Variants in TMOD2 observed in about 807,000 individuals in gnomAD.
TMOD2 encodes the protein tropomodulin 2.
A neutral mutation model predicts 39.9 loss-of-function variants in TMOD2; 22 were observed. The observed-to-expected ratio is 0.55, with a 90% CI of 0.39 to 0.79. The LOEUF (loss-of-function observed/expected upper bound fraction) is 0.79, where lower values mean the gene tolerates loss of function less well. Ranked by LOEUF, TMOD2 falls within the 30% of genes least tolerant of loss-of-function variation. TMOD2 has a pLI of 0.00. For synonymous variants in TMOD2, 123 were observed against 146.1 expected, an observed-to-expected ratio of 0.84 and a Z score of 1.14; for missense variants, 386 against 413.3, an observed-to-expected ratio of 0.93 and a Z score of 0.57.
intron 7 of TMOD2, among the ~76,000 whole-genome samples, chr15:51,785,466 T>C (rs1441977937): frequency 1.4e-5 from 2 of 147,906 alleles, no homozygotes; most frequent in East Asian, 3.9e-4. Context: ...GGTATATATA[T>C]GCACACTGAA....
At position 51,794,363 on chromosome 15, in the gene TMOD2, A is replaced by T. The variant is rs548086342; in HGVS notation, c.733-3834A>T. ...AAATAGTTCAGAACTTTTTTGTTCT[A>T]CTCCCCAGAAGCAATCACTATTAGC... On this transcript the variant is annotated intron_variant, in intron 7 of 9. Transcript: ENST00000249700. 1.3e-5 allele frequency among the ~76,000 whole-genome samples: 2 copies of T among 152,162 alleles called. 1 individual carries two copies. The highest frequency in any genetic ancestry group is 1.3e-4 in the Admixed American group (2 of 15,276).
At chr15:51,792,874 G>A (rs747718890) in intron 7 of TMOD2, among the ~76,000 whole-genome samples, 1 of 152,100 alleles carries the variant, frequency 6.6e-6, no homozygotes, top group Non-Finnish European at 1.5e-5. Flanking sequence ...AGGGTGGGGT[G>A]CTAGGGGAGG....
chr15:51,783,626 C>T (rs1159994952), intron 7 of TMOD2: 1 of 152,042 alleles, frequency 6.6e-6, no homozygotes, highest in Admixed American at 6.6e-5. Context: ...TGGTAACGTA[C>T]ACCTCTGGTC....
At chr15:51,785,285 G>T (rs900270289) in intron 7 of TMOD2, among the ~76,000 whole-genome samples, 1 of 152,032 alleles carries the variant, frequency 6.6e-6, no homozygotes, top group East Asian at 1.9e-4. Flanking sequence ...GGTGGCGGGC[G>T]CCTGTAGTCC....
chr15:51,774,345 AAAGT>A (rs1264474026), intron 4 of TMOD2, among the ~76,000 whole-genome samples: 1 of 152,214 alleles, frequency 6.6e-6, no homozygotes, highest in Non-Finnish European at 1.5e-5. Flanking sequence ...TGTGTAATGA[AAAGT>A]AAGTCTCTCG....
intron 3 of TMOD2, among the ~76,000 whole-genome samples, chr15:51,769,450 G>A (rs917004082): frequency 2.0e-5 from 3 of 152,200 alleles, no homozygotes; most frequent in Admixed American, 6.5e-5. Flanking sequence ...TAGAACCACA[G>A]GCAAATAAGA....
At chr15:51,758,510 T>C (rs1460031264) in intron 1 of TMOD2, among the ~76,000 whole-genome samples, 1 of 152,186 alleles carries the variant, frequency 6.6e-6, no homozygotes, top group Non-Finnish European at 1.5e-5. Context: ...TGCGGGTTCA[T>C]TTGAACTCAT....
chr15:51,805,498 A>G (rs1464773419), intron 8 of TMOD2, among the ~76,000 whole-genome samples: 2 of 152,330 alleles, frequency 1.3e-5, no homozygotes, highest in East Asian at 1.9e-4. Context: ...ATAGGTTGAG[A>G]TGTTTAATTA....
chr15:51,795,347 A>C (rs1252318481), intron 7 of TMOD2, among the ~76,000 whole-genome samples: 1 of 151,240 alleles, frequency 6.6e-6, no homozygotes, highest in Non-Finnish European at 1.5e-5. Flanking sequence ...AATTGCTTGA[A>C]CCAGGAGATG....
At chr15:51,781,295 T>C (rs2055928113) in intron 6 of TMOD2, 121 bp downstream of exon 6, 4 of 858,748 alleles carry the variant, frequency 4.7e-6, no homozygotes, top group South Asian at 3.9e-5. Context: ...TGAGTTGGAG[T>C]CAAGGTATCC....
intron 7 of TMOD2, among the ~76,000 whole-genome samples, chr15:51,795,309 C>T (rs894052637): frequency 7.2e-5 from 11 of 151,904 alleles, no homozygotes; most frequent in African/African-American, 2.7e-4. Flanking sequence ...GCCTGTAGTC[C>T]CAGCAACTTG....
At chr15:51,764,172 C>G (rs2055800432) in intron 1 of TMOD2, among the ~76,000 whole-genome samples, 1 of 151,952 alleles carries the variant, frequency 6.6e-6, no homozygotes, top group South Asian at 2.1e-4. Flanking sequence ...GCCTGTAGTC[C>G]CGGGCTTCGT....
At chr15:51,767,828 T>C (rs920549882) in intron 2 of TMOD2, among the ~76,000 whole-genome samples, 8 of 152,252 alleles carry the variant, frequency 5.3e-5, no homozygotes, top group Non-Finnish European at 1.2e-4. Context: ...AAGCAGGCAT[T>C]AACATCATCA....
chr15:51,790,034 A>G (rs914759837), intron 7 of TMOD2, among the ~76,000 whole-genome samples: 2 of 152,162 alleles, frequency 1.3e-5, no homozygotes, highest in Non-Finnish European at 2.9e-5. Flanking sequence ...GGAGATAGAG[A>G]CACAAAAAAC....
rs140142614 is a variant in TMOD2, at chr15:51,762,912, T to C, written c.-69-3461T>C. Among the ~76,000 whole-genome samples the C allele has an allele frequency of 3.1e-4, 47 of 152,350 alleles. No homozygotes were observed. In the East Asian group the frequency reaches 7.7e-3, roughly 25 times the overall value. ...TTTATTGCTGAGAAGTATTCCATTA[T>C]GTGGATATACGACAATTTGTTTATT... On this transcript the variant is annotated intron_variant, in intron 1 of 9. Transcript: ENST00000249700.
chr15:51,806,491 G>A lies in TMOD2; in HGVS notation c.991G>A (p.Ala331Thr). 6 of 1,614,198 alleles carry A rather than the reference G, an allele frequency of 3.7e-6. No homozygotes were observed. Among genetic ancestry groups the A allele is most frequent in the Non-Finnish European group, 5.1e-6 (6 of 1,180,032 alleles). The change falls in exon 9 of 10, where the codon GCA becomes ACA. Residue 331 changes from alanine (A) to threonine (T), a missense_variant. Coordinates refer to ENST00000249700, the MANE Select transcript of TMOD2 (RefSeq NM_014548.4). ...FTKQGPRTRVAAAITKNNDLV... is the reference protein window; with the variant it reads ...FTKQGPRTRVTAAITKNNDLV... ...CAAGCAAGGGCCACGAACAAGGGTG[G>A]CAGCTGCCATCACAAAGAATAATGA...
At chr15:51,801,329 C>G (rs1448717031) in intron 8 of TMOD2, among the ~76,000 whole-genome samples, 1 of 146,236 alleles carries the variant, frequency 6.8e-6, no homozygotes, top group Non-Finnish European at 1.5e-5. Flanking sequence ...AAAAGATTTT[C>G]TAGAGGAATT....
intron 7 of TMOD2, 173 bp downstream of exon 7, chr15:51,783,001 G>C (rs1232471296): frequency 1.7e-6 from 1 of 585,238 alleles, no homozygotes; most frequent in Non-Finnish European, 3.0e-6. Context: ...TGAACTGTCA[G>C]ATGCTTTAAG....
chr15:51,754,762 C>T (rs1390978413), intron 1 of TMOD2, among the ~76,000 whole-genome samples: 2 of 152,058 alleles, frequency 1.3e-5, no homozygotes, highest in Admixed American at 6.5e-5. Context: ...CTTTTCAGAG[C>T]CTTTCATGGG....
Sources: gnomAD v4.1 joint callset for allele counts (sites outside exome capture counted in the v4.1 genomes callset) on GRCh38, gnomAD v4.1.1 for gene constraint, MANE v1.5 for transcripts, NCBI Gene and HGNC (gene_info 2026-07-23, HGNC 2026-07-21) for gene names.